Variants in CCDC192 observed in about 807,000 individuals in gnomAD.
CCDC192 encodes coiled-coil domain containing 192.
intron 6 of CCDC192, among the ~76,000 whole-genome samples, chr5:127,923,248 C>A (rs2127192466): frequency 6.6e-6 from 1 of 152,192 alleles, no homozygotes; most frequent in Admixed American, 6.5e-5. Flanking sequence ...TGTGGCAGAC[C>A]CTATTAGTCA....
At chr5:127,708,004 G>A (rs1284658334) in intron 2 of CCDC192, among the ~76,000 whole-genome samples, 4 of 152,060 alleles carry the variant, frequency 2.6e-5, no homozygotes, top group African/African-American at 9.7e-5. Context: ...ATGTGGCACA[G>A]CCTTTCTTAT....
intron 2 of CCDC192, among the ~76,000 whole-genome samples, chr5:127,749,188 C>T (rs1086485): frequency 6.6e-6 from 1 of 151,238 alleles, no homozygotes; most frequent in Non-Finnish European, 1.5e-5. Context: ...CCTGTCTTGT[C>T]CCAGTTTTCA....
intron 5 of CCDC192, among the ~76,000 whole-genome samples, chr5:127,831,021 C>A (rs982914230): frequency 6.6e-6 from 1 of 152,088 alleles, no homozygotes; most frequent in African/African-American, 2.4e-5. Context: ...CCAGGGCTGG[C>A]GAGTTATTTA....
At chr5:127,810,399 G>A (rs1758014361) in intron 5 of CCDC192, among the ~76,000 whole-genome samples, 1 of 152,140 alleles carries the variant, frequency 6.6e-6, no homozygotes, top group African/African-American at 2.4e-5. Flanking sequence ...CTTCTAACTG[G>A]TCATACGTGG....
intron 6 of CCDC192, among the ~76,000 whole-genome samples, chr5:127,924,586 G>T (rs1043636491): frequency 2.6e-5 from 4 of 152,186 alleles, no homozygotes; most frequent in African/African-American, 4.8e-5. Context: ...ACCCCCAAGG[G>T]TATGTTGTGA....
intron 2 of CCDC192, among the ~76,000 whole-genome samples, chr5:127,731,004 A>G (rs1156229083): frequency 6.6e-6 from 1 of 152,152 alleles, no homozygotes; most frequent in Non-Finnish European, 1.5e-5. Flanking sequence ...TAGTATTGGA[A>G]GTTTTGGCCA....
chr5:127,734,249 C>A (rs1257533446), intron 2 of CCDC192, among the ~76,000 whole-genome samples: 1 of 151,896 alleles, frequency 6.6e-6, no homozygotes, highest in Non-Finnish European at 1.5e-5. Context: ...CTACAAAGGA[C>A]ATGAACTCAT....
intron 3 of CCDC192, among the ~76,000 whole-genome samples, chr5:127,790,447 T>G (rs924423638): frequency 6.6e-6 from 1 of 151,334 alleles, no homozygotes; most frequent in Admixed American, 6.6e-5. Flanking sequence ...AAACATTATC[T>G]TTTTTTTTGT....
intron 6 of CCDC192, among the ~76,000 whole-genome samples, chr5:127,920,384 G>A (rs1405328253): frequency 6.1e-5 from 9 of 148,356 alleles, no homozygotes. Context: ...TAATTTCTAG[G>A]AAGCTAAAAG....
intron 2 of CCDC192, among the ~76,000 whole-genome samples, chr5:127,751,225 C>T (rs1218222430): frequency 3.3e-5 from 5 of 152,004 alleles, no homozygotes; most frequent in Middle Eastern, 3.2e-3. Context: ...GTCTTTACAT[C>T]TTGGCATGAT....
intron 5 of CCDC192, among the ~76,000 whole-genome samples, chr5:127,842,554 A>G (rs1368716330): frequency 6.6e-6 from 1 of 152,220 alleles, no homozygotes; most frequent in Non-Finnish European, 1.5e-5. Flanking sequence ...AGGTACCTGG[A>G]CTTTTCATTT....
At chr5:127,733,927 A>AT (rs1398731955) in intron 2 of CCDC192, among the ~76,000 whole-genome samples, 8 of 145,432 alleles carry the variant, frequency 5.5e-5, no homozygotes, top group African/African-American at 1.3e-4. Flanking sequence ...ATATATATAT[A>AT]TATATTTTTT....
At position 127,743,301 on chromosome 5, in the gene CCDC192, T is replaced by C. The variant is rs534607175; in HGVS notation, c.115-10967T>C. 5.3e-5 allele frequency among the ~76,000 whole-genome samples: 8 copies of C among 152,260 alleles called. No individual in the cohort carries two copies. In the South Asian group the frequency reaches 1.7e-3, roughly 32 times the overall value. On this transcript the variant is annotated intron_variant, in intron 2 of 6. Transcript: ENST00000514853. ...AAGATAAGGCAAAGGGCACCCGTAC[T>C]TCCAGGAAATGCTTCACCAACCTTT...
At chr5:127,860,581 G>C (rs1215736683) in intron 5 of CCDC192, among the ~76,000 whole-genome samples, 1 of 151,954 alleles carries the variant, frequency 6.6e-6, no homozygotes, top group Non-Finnish European at 1.5e-5. Context: ...TATCATAAAA[G>C]ATAGCAATAA....
intron 5 of CCDC192, among the ~76,000 whole-genome samples, chr5:127,836,153 AG>A: frequency 6.6e-6 from 1 of 152,216 alleles, no homozygotes; most frequent in Non-Finnish European, 1.5e-5. Context: ...GCCAGAATGA[AG>A]AGGTTACATG....
chr5:127,915,327 G>A lies in CCDC192; in HGVS notation c.536-25855G>A, dbSNP rs565640489. Among the ~76,000 whole-genome samples, 28 of 152,280 alleles carry A rather than the reference G, an allele frequency of 1.8e-4. No individual in the cohort carries two copies. In the South Asian group the frequency reaches 5.2e-3, roughly 28 times the overall value. ...TTGCTGATAGAGCAACCTGCTGCCCGCGGGCCACATACAGCCCAGGACAGT... is the reference window on the plus strand; with the variant it reads ...TTGCTGATAGAGCAACCTGCTGCCCACGGGCCACATACAGCCCAGGACAGT... On this transcript the variant is annotated intron_variant, in intron 6 of 6. Transcript: ENST00000514853.
chr5:127,768,319 T>C (rs760624394), intron 3 of CCDC192, among the ~76,000 whole-genome samples: 1 of 152,120 alleles, frequency 6.6e-6, no homozygotes, highest in Admixed American at 6.5e-5. Flanking sequence ...TCTAATCTGA[T>C]TGGTGTCCTT....
chr5:127,885,265 T>C (rs1407349859), intron 6 of CCDC192, among the ~76,000 whole-genome samples: 2 of 152,210 alleles, frequency 1.3e-5, no homozygotes, highest in East Asian at 3.9e-4. Context: ...TCTGATTACC[T>C]GAAGGGCATG....
chr5:127,921,763 T>C (rs1339695777), intron 6 of CCDC192, among the ~76,000 whole-genome samples: 10 of 152,182 alleles, frequency 6.6e-5, no homozygotes, highest in Non-Finnish European at 1.3e-4. Flanking sequence ...CTTGCTTGTT[T>C]TGGGAGCTGC....
Sources: allele counts gnomAD v4.1 joint callset (sites outside exome capture counted in the v4.1 genomes callset), GRCh38; gene constraint gnomAD v4.1.1; transcripts MANE v1.5; gene names NCBI Gene and HGNC (gene_info 2026-07-23, HGNC 2026-07-21).